ENPEP: variants seen among roughly 807,000 people sequenced by gnomAD.
ENPEP encodes AP-A.
Under a neutral mutation model 114.5 loss-of-function variants are expected in ENPEP, and 103 were observed. That is an observed-to-expected ratio of 0.90 (90% confidence interval 0.77 to 1.06). ENPEP has a LOEUF of 1.06. ENPEP is among the 50% of genes least tolerant of loss of function. The pLI is 0.00. For missense variants in ENPEP, 1,196 were observed against 1,161.3 expected (o/e 1.03, Z -0.43); for synonymous variants, 420 against 422.0 (o/e 1.00, Z 0.06).
At chr4:110,539,037 A>T (rs1044895027) in intron 11 of ENPEP, among the ~76,000 whole-genome samples, 2 of 152,220 alleles carry the variant, frequency 1.3e-5, no homozygotes, top group Non-Finnish European at 2.9e-5. Context: ...AAAATCTCTG[A>T]TCACAGATCA....
At position 110,562,617 on chromosome 4, in the gene ENPEP, C is replaced by T. The variant is rs1442239083; in HGVS notation, c.*1059C>T. ...CTTATAGATCAATTTTATGTATAAACCCTTAGATCCTAATCCATACAGAAT... is the reference window on the plus strand; with the variant it reads ...CTTATAGATCAATTTTATGTATAAATCCTTAGATCCTAATCCATACAGAAT... On this transcript the variant is annotated 3_prime_UTR_variant, in exon 20 of 20. Coordinates refer to ENST00000265162, the MANE Select transcript of ENPEP (RefSeq NM_001977.4). 1 of 152,050 alleles carries T rather than the reference C, an allele frequency of 6.6e-6. No individual in the cohort carries two copies. The highest frequency in any genetic ancestry group is 1.5e-5 in the Non-Finnish European group (1 of 67,988). 9.4% of individuals were successfully genotyped at this position (152,050 alleles called of 1,614,324 possible).
At chr4:110,495,103 T>A (rs1415770599) in intron 3 of ENPEP, among the ~76,000 whole-genome samples, 2 of 152,102 alleles carry the variant, frequency 1.3e-5, no homozygotes, top group Non-Finnish European at 1.5e-5. Flanking sequence ...GGAAACAATA[T>A]CCCCAATAAG....
intron 1 of ENPEP, among the ~76,000 whole-genome samples, chr4:110,486,185 A>G (rs1053717628): frequency 1.3e-5 from 2 of 152,214 alleles, no homozygotes; most frequent in Non-Finnish European, 2.9e-5. Flanking sequence ...AAAAAATCAG[A>G]GTAAGGACTC....
chr4:110,548,355 A>G, intron 14 of ENPEP, 29 bp downstream of exon 14: 1 of 1,495,810 alleles, frequency 6.7e-7, no homozygotes, highest in East Asian at 2.5e-5. Flanking sequence ...TATCTTATGA[A>G]AGTAAATGTT....
At chr4:110,499,154 C>T (rs148543154) in intron 3 of ENPEP, among the ~76,000 whole-genome samples, 336 of 152,272 alleles carry the variant, frequency 2.2e-3, no homozygotes, top group African/African-American at 7.9e-3. Flanking sequence ...GTATCAATCA[C>T]ATATAAGGAA....
chr4:110,530,331 C>G (rs991576328), intron 10 of ENPEP, among the ~76,000 whole-genome samples: 1 of 152,176 alleles, frequency 6.6e-6, no homozygotes, highest in African/African-American at 2.4e-5. Context: ...GAATGACATA[C>G]ATTTTGTTAT....
At chr4:110,546,104 C>A (rs2110390593) in intron 13 of ENPEP, among the ~76,000 whole-genome samples, 1 of 152,118 alleles carries the variant, frequency 6.6e-6, no homozygotes, top group East Asian at 2.0e-4. Context: ...ATACTGACAG[C>A]ACTCTTTGAA....
chr4:110,542,464 A>G (rs1726885257), intron 11 of ENPEP, among the ~76,000 whole-genome samples: 1 of 152,058 alleles, frequency 6.6e-6, no homozygotes, highest in Admixed American at 6.6e-5. Flanking sequence ...CCAGCACGAA[A>G]TTATTTCGCC....
intron 18 of ENPEP, among the ~76,000 whole-genome samples, chr4:110,556,113 A>C (rs1727458453): frequency 6.6e-6 from 1 of 152,034 alleles, no homozygotes; most frequent in Admixed American, 6.6e-5. Flanking sequence ...TATTAGCTGC[A>C]ATTAGCAGAC....
intron 2 of ENPEP, among the ~76,000 whole-genome samples, chr4:110,489,181 G>A (rs984576926): frequency 6.6e-6 from 1 of 151,760 alleles, no homozygotes; most frequent in Non-Finnish European, 1.5e-5. Context: ...CTCCTTTGGT[G>A]AGTGGGAAGT....
chr4:110,542,764 C>A lies in ENPEP; in HGVS notation c.1821C>A (p.Asn607Lys), dbSNP rs773384440. The A allele has an allele frequency of 5.0e-6, 8 of 1,611,126 alleles. No individual in the cohort carries two copies. In the Admixed American group the frequency reaches 8.4e-5, roughly 17 times the overall value. Residue 607 changes from asparagine to lysine, a missense_variant, in exon 12 of 20, where the codon AAC (asparagine) becomes AAA (lysine). Asn to Lys is a moderately conservative substitution (Grantham distance 94). Transcript: ENST00000265162. ...NRSEKEGITL[N>K]SSNPSGNAFL... ...TTACTACTACAGGAATCACTTTGAA[C>A]TCCTCTAATCCTAGTGGAAATGCTT...
intron 11 of ENPEP, among the ~76,000 whole-genome samples, chr4:110,539,082 A>G (rs561193958): frequency 1.6e-4 from 24 of 152,328 alleles, no homozygotes; most frequent in Non-Finnish European, 2.9e-4. Context: ...AAAAGTTTGA[A>G]ATATTGCAAG....
intron 1 of ENPEP, among the ~76,000 whole-genome samples, chr4:110,483,412 T>C (rs1469345191): frequency 6.6e-6 from 1 of 152,080 alleles, no homozygotes; most frequent in Non-Finnish European, 1.5e-5. Flanking sequence ...AGCCAGAGAG[T>C]CTTCACTGGA....
At position 110,564,878 on chromosome 4, in the gene ENPEP, G is replaced by C. The variant is rs1000029465; in HGVS notation, c.*3320G>C. ...CCTAGATGCAGCAGTATTCCAGATA[G>C]AGGCCGCACTATGAGCCTGAATTCC... On this transcript the variant is annotated 3_prime_UTR_variant, in exon 20 of 20. Coordinates refer to ENST00000265162, the MANE Select transcript of ENPEP (RefSeq NM_001977.4). The C allele has an allele frequency of 6.6e-6, 1 of 152,174 alleles. No homozygotes were observed. The highest frequency in any genetic ancestry group is 2.4e-5 in the African/African-American group (1 of 41,424). The allele number at this position is 152,174 out of a possible 1,614,324, so 9.4% of individuals were successfully genotyped here.
intron 13 of ENPEP, 61 bp from the exon 14 acceptor site, chr4:110,548,115 T>G (rs1336339538): frequency 7.3e-7 from 1 of 1,362,832 alleles, no homozygotes; most frequent in African/African-American, 1.5e-5. Context: ...GAAACTAAAG[T>G]CTGTGGTTTT....
chr4:110,517,357 G>C (rs1033149930), intron 8 of ENPEP, among the ~76,000 whole-genome samples: 15 of 152,094 alleles, frequency 9.9e-5, no homozygotes, highest in African/African-American at 3.6e-4. Flanking sequence ...GAATGAATGA[G>C]TGAATAGCCT....
intron 10 of ENPEP, among the ~76,000 whole-genome samples, chr4:110,525,883 G>A (rs1313020617): frequency 1.3e-5 from 2 of 152,200 alleles, no homozygotes; most frequent in Non-Finnish European, 2.9e-5. Flanking sequence ...GCAGGAGGTG[G>A]AGTAGGGCAG....
Position 110,488,637 on chromosome 4 carries a change from C to T in ENPEP, c.741C>T (p.Ile247=), listed in dbSNP as rs765519540. The change falls in exon 2 of 20, where the codon ATC becomes ATT. Residue 247 remains isoleucine, a synonymous_variant. Transcript: ENST00000265162. ...PNKKATYTIS[I]THPKEYGALS... The stretch of plus-strand genomic sequence containing the variant: ...AAAAGGCAACTTATACAATATCTAT[C>T]ACCCATCCCAAAGAATACGGAGCAC... The T allele has an allele frequency of 2.5e-6, 4 of 1,613,400 alleles. No homozygotes were observed. Among genetic ancestry groups the T allele is most frequent in the Middle Eastern group, 1.6e-4 (1 of 6,084 alleles).
chr4:110,504,854 T>C (rs1267641230), intron 3 of ENPEP, among the ~76,000 whole-genome samples: 1 of 152,230 alleles, frequency 6.6e-6, no homozygotes, highest in Non-Finnish European at 1.5e-5. Flanking sequence ...TCTGTCTCCT[T>C]CCCATTGCTC....
Sources: allele counts gnomAD v4.1 joint callset (sites outside exome capture counted in the v4.1 genomes callset), GRCh38; gene constraint gnomAD v4.1.1; transcripts MANE v1.5; gene names NCBI Gene and HGNC (gene_info 2026-07-23, HGNC 2026-07-21).